The following DLG2 variants were observed in gnomAD, a reference collection of about 807,000 sequenced individuals.
The protein encoded by DLG2 is disks large homolog 2.
Under a neutral mutation model 132.5 loss-of-function variants are expected in DLG2, and 45 were observed. The observed-to-expected ratio is 0.34, with a 90% confidence interval of 0.27 to 0.44. DLG2 has a LOEUF of 0.44. DLG2 is among the 20% of genes least tolerant of loss of function. The pLI is 1.00. For synonymous variants in DLG2, 424 were observed against 419.6 expected (o/e 1.01, Z -0.13); for missense variants, 1,045 against 1,196.9 (o/e 0.87, Z 1.87).
intron 6 of DLG2, among the ~76,000 whole-genome samples, chr11:84,640,890 C>A (rs1034738685): frequency 1.4e-4 from 21 of 149,154 alleles, no homozygotes; most frequent in African/African-American, 5.2e-4. Context: ...CAGTGAGCTG[C>A]GATCAGGCCA....
At chr11:85,147,470 C>A (rs576781963) in intron 5 of DLG2, among the ~76,000 whole-genome samples, 1 of 152,192 alleles carries the variant, frequency 6.6e-6, no homozygotes, top group Non-Finnish European at 1.5e-5. Context: ...GTCTTTTGCC[C>A]ATGTTTTAAT....
chr11:84,591,716 G>T (rs907479993), intron 6 of DLG2, among the ~76,000 whole-genome samples: 5 of 151,822 alleles, frequency 3.3e-5, no homozygotes, highest in Non-Finnish European at 5.9e-5. Context: ...ACAGCTTGAG[G>T]TACTGGGTGA....
intron 6 of DLG2, among the ~76,000 whole-genome samples, chr11:85,007,369 T>C (rs1227103517): frequency 2.6e-5 from 4 of 151,722 alleles, no homozygotes; most frequent in Non-Finnish European, 5.9e-5. Flanking sequence ...TGGATCAGAG[T>C]AAGAGATATG....
intron 5 of DLG2, among the ~76,000 whole-genome samples, chr11:85,135,272 T>G (rs150991541): frequency 1.6e-4 from 24 of 152,328 alleles, no homozygotes; most frequent in African/African-American, 5.1e-4. Context: ...TTAAATGACT[T>G]CCTAAAAGCC....
At chr11:84,345,545 T>C (rs1257005838) in intron 7 of DLG2, among the ~76,000 whole-genome samples, 1 of 152,214 alleles carries the variant, frequency 6.6e-6, no homozygotes, top group African/African-American at 2.4e-5. Flanking sequence ...TGGTGTAATA[T>C]CCCAAGAGAA....
At chr11:84,357,212 G>T (rs1409251934) in intron 7 of DLG2, among the ~76,000 whole-genome samples, 2 of 152,034 alleles carry the variant, frequency 1.3e-5, no homozygotes, top group African/African-American at 4.8e-5. Context: ...AAACTACAGA[G>T]GGATAGAAGA....
intron 2 of DLG2, among the ~76,000 whole-genome samples, chr11:85,619,452 T>C (rs2081553008): frequency 6.6e-6 from 1 of 152,174 alleles, no homozygotes; most frequent in South Asian, 2.1e-4. Flanking sequence ...TTTTCCCATC[T>C]TTCTCTAGGA....
At chr11:84,300,053 G>T (rs543133719) in intron 7 of DLG2, among the ~76,000 whole-genome samples, 7 of 152,026 alleles carry the variant, frequency 4.6e-5, no homozygotes, top group Non-Finnish European at 8.8e-5. Context: ...TTGGGTGGAG[G>T]CTGCCTACAT....
chr11:85,393,257 T>A (rs1430803587), intron 3 of DLG2, among the ~76,000 whole-genome samples: 2 of 152,002 alleles, frequency 1.3e-5, no homozygotes, highest in Non-Finnish European at 2.9e-5. Context: ...GAAATGCAAA[T>A]CAAAACTGCA....
At chr11:83,787,384 C>T (rs1009499839) in intron 17 of DLG2, among the ~76,000 whole-genome samples, 5 of 137,360 alleles carry the variant, frequency 3.6e-5, no homozygotes, top group Admixed American at 8.0e-5. Context: ...TGCAGTGACG[C>T]GATCTCTGCT....
chr11:83,483,996 G>A, intron 22 of DLG2, 133 bp downstream of exon 22: 2 of 713,554 alleles, frequency 2.8e-6, no homozygotes, highest in East Asian at 2.7e-5. Context: ...GGTCACAGTA[G>A]TAGACCTGCC....
chr11:83,496,358 T>C (rs1179284547), intron 21 of DLG2, among the ~76,000 whole-genome samples: 1 of 152,114 alleles, frequency 6.6e-6, no homozygotes, highest in African/African-American at 2.4e-5. Context: ...CTCATTTAAA[T>C]TGGTGGAAAT....
At chr11:85,138,029 T>TA (rs2076235515) in intron 5 of DLG2, among the ~76,000 whole-genome samples, 1 of 152,132 alleles carries the variant, frequency 6.6e-6, no homozygotes, top group South Asian at 2.1e-4. Context: ...TGTGTATCCT[T>TA]ACAAAAAAAT....
chr11:85,104,846 G>A (rs1280912965), intron 6 of DLG2, among the ~76,000 whole-genome samples: 2 of 110,640 alleles, frequency 1.8e-5, no homozygotes, highest in African/African-American at 3.5e-5. Flanking sequence ...TTCATTCTGT[G>A]TTCTATTAGA....
intron 8 of DLG2, among the ~76,000 whole-genome samples, chr11:84,201,691 T>C (rs1364279170): frequency 1.3e-5 from 2 of 151,912 alleles, no homozygotes; most frequent in African/African-American, 4.8e-5. Context: ...AAAGGGTGTA[T>C]GTGTCCAAGA....
At position 84,534,595 on chromosome 11, in the gene DLG2, A is replaced by C; in HGVS notation, c.494T>G (p.Leu165Trp). 1 of 1,613,976 alleles carries C rather than the reference A, an allele frequency of 6.2e-7. No homozygotes were observed. The highest frequency in any genetic ancestry group is 1.3e-5 in the African/African-American group (1 of 74,998). The part of the protein sequence containing the change: ...SQIENVHGYV[L>W]QSHISPLKAS... ...CTTCAGAGGAGAAATATGAGACTGC[A>C]AGACATATCCATGGACATTTTCTAT... Residue 165 changes from leucine to tryptophan, a missense_variant, in exon 7 of 28, where the codon TTG (leucine) becomes TGG (tryptophan). Leu to Trp is a moderately conservative substitution (Grantham distance 61). Around this residue, in one of 4 missense-constraint regions of DLG2, gnomAD observed 277 missense variants for 238.2 expected, o/e 1.16. Coordinates refer to ENST00000376104, the MANE Select transcript of DLG2 (RefSeq NM_001142699.3).
intron 3 of DLG2, among the ~76,000 whole-genome samples, chr11:85,425,202 ATGT>A (rs1413940549): frequency 6.6e-6 from 1 of 152,192 alleles, no homozygotes; most frequent in Non-Finnish European, 1.5e-5. Context: ...CTCAAAGAAA[ATGT>A]TGTTAAATAC....
intron 21 of DLG2, among the ~76,000 whole-genome samples, chr11:83,506,135 T>C (rs1302775725): frequency 6.6e-6 from 1 of 152,240 alleles, no homozygotes; most frequent in East Asian, 1.9e-4. Flanking sequence ...TCATGGCAAC[T>C]GGATGACCCG....
intron 18 of DLG2, among the ~76,000 whole-genome samples, chr11:83,653,972 T>C (rs1258591551): frequency 1.3e-5 from 2 of 152,102 alleles, no homozygotes; most frequent in Non-Finnish European, 2.9e-5. Flanking sequence ...TGCCTGCCTC[T>C]ACCTCCCAAA....
Sources: allele counts gnomAD v4.1 joint callset (sites outside exome capture counted in the v4.1 genomes callset), GRCh38; gene constraint gnomAD v4.1.1; regional missense constraint gnomAD v4.1.1; transcripts MANE v1.5; gene names NCBI Gene and HGNC (gene_info 2026-07-23, HGNC 2026-07-21).